SNX12: variants seen among roughly 807,000 people sequenced by gnomAD.
SNX12 encodes the protein sorting nexin 12.
For synonymous variants in SNX12, 47 were observed against 56.0 expected, an observed-to-expected ratio of 0.84 and a Z score of 0.71; for missense variants, 62 against 141.3, an observed-to-expected ratio of 0.44 and a Z score of 2.84.
At chrX:71,068,039 G>T in intron 1 of SNX12, 103 bp downstream of exon 1, 2 of 759,841 alleles carry the variant, frequency 2.6e-6, no homozygotes, top group Non-Finnish European at 3.7e-6. Context: ...TGACCCCTAA[G>T]GCGTCTTCCC....
upstream of SNX12, chrX:71,068,337 AGGGGGTG>A: frequency 1.0e-5 from 12 of 1,153,945 alleles, no homozygotes; most frequent in Non-Finnish European, 1.4e-5. Flanking sequence ...GACCGGGGAA[AGGGGGTG>A]GGGGACAGAG....
Position 71,060,919 on chromosome X carries a change from T to C in SNX12, c.*97A>G, listed in dbSNP as rs777757444. On this transcript the variant is annotated 3_prime_UTR_variant, in exon 4 of 4. Transcript: ENST00000374274. ...CCAGACAGTCTATCAGGCCAGGAGA[T>C]GGGCAGCCAACTTCAGATCAAAGAC... The C allele has an allele frequency of 3.1e-6, 2 of 640,255 alleles. No individual in the cohort carries two copies. The highest frequency in any genetic ancestry group is 7.1e-5 in the East Asian group (2 of 27,973). 52.8% of individuals were successfully genotyped at this position (640,255 alleles called of 1,213,427 possible).
rs1319259903 is a variant in SNX12 at position 71,061,122 on chromosome X, T to C, written c.387-4A>G. 1.1e-5 allele frequency: 13 copies of C among 1,176,411 alleles called. No individual in the cohort carries two copies. Among genetic ancestry groups the C allele is most frequent in the Admixed American group, 2.2e-5 (1 of 45,177 alleles). ...AGCCAGTGGGTGCCCAGCAATTCTA[T>C]AAAGAAACCAGGATGGTTATCAGTA... is the stretch of plus-strand genomic sequence containing the variant. On this transcript the variant is annotated splice_region_variant and splice_polypyrimidine_tract_variant and intron_variant, in intron 3 of 3. Coordinates refer to ENST00000374274, the MANE Select transcript of SNX12 (RefSeq NM_013346.4).
intron 1 of SNX12, among the ~76,000 whole-genome samples, chrX:71,067,426 G>A (rs752077920): frequency 8.9e-6 from 1 of 112,359 alleles, no homozygotes; most frequent in Non-Finnish European, 1.9e-5. Flanking sequence ...GATCCACATA[G>A]AATGAAAGCA....
At chrX:71,066,416 C>T (rs2092153533) in intron 1 of SNX12, among the ~76,000 whole-genome samples, 1 of 109,888 alleles carries the variant, frequency 9.1e-6, no homozygotes, top group Non-Finnish European at 1.9e-5. Flanking sequence ...ATGGCGAAAC[C>T]CCGTCTCTAT....
upstream of SNX12, chrX:71,068,439 A>G (rs2092163475): frequency 4.2e-6 from 2 of 474,499 alleles, no homozygotes; most frequent in East Asian, 4.3e-5. Flanking sequence ...ACGCGCGCCC[A>G]CGCACGCACG....
At chrX:71,062,620 G>A (rs892172105) in intron 2 of SNX12, among the ~76,000 whole-genome samples, 5 of 111,623 alleles carry the variant, frequency 4.5e-5, no homozygotes, top group Non-Finnish European at 9.4e-5. Flanking sequence ...TGATCCGCCC[G>A]CCTCAGCCTC....
chrX:71,072,942 C>G (rs1363323307), upstream of SNX12, among the ~76,000 whole-genome samples: 2 of 102,769 alleles, frequency 1.9e-5, no homozygotes, highest in African/African-American at 7.3e-5. Context: ...CACAGAGCAC[C>G]CTTTTTATTT....
rs761695539 is a variant in SNX12 at position 71,062,834 on chromosome X, C to T, written c.261+20G>A. ...CAGAGCTCCTCCTCCAAAGATGCCA[C>T]ACAGAGAACAAAGCCATACCTTGCT... On this transcript the variant is annotated intron_variant, in intron 2 of 3. Coordinates refer to ENST00000374274, the MANE Select transcript of SNX12 (RefSeq NM_013346.4). 8.9e-7 allele frequency: 1 copy of T among 1,123,245 alleles called. No homozygotes were observed. The highest frequency in any genetic ancestry group is 1.2e-6 in the Non-Finnish European group (1 of 816,104). The allele number at this position is 1,123,245 out of a possible 1,213,427, so 92.6% of individuals were successfully genotyped here. A position where few individuals can be genotyped will look rare whatever the true frequency, so the allele number is the denominator to read the frequency against.
intron 2 of SNX12, among the ~76,000 whole-genome samples, chrX:71,062,532 C>G (rs2092135966): frequency 9.0e-6 from 1 of 110,505 alleles, no homozygotes; most frequent in Non-Finnish European, 1.9e-5. Flanking sequence ...ACCACCACAC[C>G]TGGCTGATTC....
At chrX:71,072,364 T>C (rs577264763), upstream of SNX12, among the ~76,000 whole-genome samples, 3 of 110,413 alleles carry the variant, frequency 2.7e-5, no homozygotes, top group South Asian at 7.6e-4. Context: ...CGAATAAAAA[T>C]GTTTCTCAAA....
At chrX:71,061,714 C>A in intron 3 of SNX12, 129 bp downstream of exon 3, 1 of 597,284 alleles carries the variant, frequency 1.7e-6, no homozygotes, top group Non-Finnish European at 2.6e-6. Flanking sequence ...GCCTAGGTGA[C>A]AGAGTGAGAC....
At chrX:71,063,022 T>C (rs771292776) in intron 1 of SNX12, 73 bp from the exon 2 acceptor site, 3 of 638,980 alleles carry the variant, frequency 4.7e-6, no homozygotes, top group African/African-American at 2.2e-5. Context: ...CTGAGTAACT[T>C]GGACAGGTCC....
At chrX:71,071,979 C>T (rs949433469), upstream of SNX12, among the ~76,000 whole-genome samples, 3 of 109,730 alleles carry the variant, frequency 2.7e-5, no homozygotes, top group East Asian at 2.8e-4. Flanking sequence ...GCTTGTGGGC[C>T]GGGCACGGTG....
chrX:71,069,187 A>AT (rs1244103902), upstream of SNX12, among the ~76,000 whole-genome samples: 1 of 112,110 alleles, frequency 8.9e-6, no homozygotes, highest in African/African-American at 3.2e-5. Context: ...TATGCTCCAC[A>AT]TTAAAGGGTA....
At chrX:71,065,804 CAA>C (rs36018264) in intron 1 of SNX12, among the ~76,000 whole-genome samples, 15 of 81,867 alleles carry the variant, frequency 1.8e-4, no homozygotes, top group Non-Finnish European at 1.9e-4. Flanking sequence ...AACTCTATCT[CAA>C]AAAAAAAAAA....
intron 1 of SNX12, among the ~76,000 whole-genome samples, chrX:71,064,089 G>A (rs1264188348): frequency 9.0e-6 from 1 of 111,685 alleles, no homozygotes; most frequent in Non-Finnish European, 1.9e-5. Context: ...AGTAAGAGAA[G>A]ACAACTGGAA....
At chrX:71,066,112 T>C (rs907286808) in intron 1 of SNX12, among the ~76,000 whole-genome samples, 8 of 112,673 alleles carry the variant, frequency 7.1e-5, no homozygotes, top group Admixed American at 2.8e-4. Context: ...TCAGACATAT[T>C]TGTGTTCAAA....
chrX:71,068,040 G>A, intron 1 of SNX12, 102 bp downstream of exon 1: 2 of 783,113 alleles, frequency 2.6e-6, no homozygotes, highest in Non-Finnish European at 3.6e-6. Flanking sequence ...GACCCCTAAG[G>A]CGTCTTCCCC....
Sources: gnomAD v4.1 joint callset for allele counts (sites outside exome capture counted in the v4.1 genomes callset) on GRCh38, gnomAD v4.1.1 for gene constraint, MANE v1.5 for transcripts, NCBI Gene and HGNC (gene_info 2026-07-23, HGNC 2026-07-21) for gene names.